The following YJU2B variants were observed in gnomAD, a reference collection of about 807,000 sequenced individuals.
YJU2B encodes the protein YJU2 splicing factor homolog B.
YJU2B carries 18 observed loss-of-function variants against 38.0 expected under a neutral mutation model. That is an observed-to-expected ratio of 0.47 (90% CI 0.33 to 0.70). The LOEUF is 0.70. YJU2B is among the 30% of genes least tolerant of loss of function. The probability of loss-of-function intolerance (pLI) is 0.02; values close to 1 mark genes in which losing one functional copy is unlikely to be tolerated. For missense variants in YJU2B, 538 were observed against 556.3 expected, an observed-to-expected ratio of 0.97 and a Z score of 0.33; for synonymous variants, 246 against 225.4, an observed-to-expected ratio of 1.09 and a Z score of -0.82.
chr19:13,761,094 T>A (rs1398099598), intron 8 of YJU2B, among the ~76,000 whole-genome samples: 1 of 151,918 alleles, frequency 6.6e-6, no homozygotes, highest in East Asian at 2.0e-4. Context: ...AAATGGAACC[T>A]CTTGGCTGGG....
Position 13,762,303 on chromosome 19 carries a change from A to T in YJU2B, c.578A>T (p.Lys193Met). Residue 193 changes from lysine (K) to methionine (M), a missense_variant, in exon 9 of 10, where the codon AAG becomes ATG. Around this residue, in one of 2 missense-constraint regions of YJU2B, gnomAD observed 488 missense variants for 469.5 expected, o/e 1.04. Coordinates refer to ENST00000221554, the MANE Select transcript of YJU2B (RefSeq NM_030818.4). ...NSMLRRRFRE[K>M]KKAIQEEEER... Reference sequence around the variant, plus strand: ...TGTTCTTGGCCCTCAACACAGGAAAAGAAAAAAGCCATCCAGGAGGAGGAG... The same window carrying T: ...TGTTCTTGGCCCTCAACACAGGAAATGAAAAAAGCCATCCAGGAGGAGGAG... The T allele has an allele frequency of 6.2e-7, 1 of 1,613,480 alleles. No homozygotes were observed.
intron 2 of YJU2B, among the ~76,000 whole-genome samples, chr19:13,734,638 G>C (rs1025963972): frequency 1.3e-5 from 2 of 152,040 alleles, no homozygotes; most frequent in Non-Finnish European, 2.9e-5. Context: ...ACCCAGCCTG[G>C]AGTGCAGTGC....
intron 3 of YJU2B, among the ~76,000 whole-genome samples, chr19:13,754,593 C>A (rs893701809): frequency 6.6e-6 from 1 of 152,086 alleles, no homozygotes; most frequent in African/African-American, 2.4e-5. Context: ...TAAGGCAGAG[C>A]GCACAGATGA....
At chr19:13,759,797 A>T (rs1333976498) in intron 8 of YJU2B, among the ~76,000 whole-genome samples, 3 of 129,854 alleles carry the variant, frequency 2.3e-5, no homozygotes, top group African/African-American at 5.9e-5. Flanking sequence ...CGCCTGGCTA[A>T]TTTTTTTTTT....
At position 13,751,733 on chromosome 19, in the gene YJU2B, G is replaced by C; in HGVS notation, c.-76G>C. On this transcript the variant is annotated 5_prime_UTR_variant, in exon 2 of 10. Transcript: ENST00000221554. The stretch of plus-strand genomic sequence containing the variant: ...CTCTGCCAGGCTCCACAAGAGGTCA[G>C]GACAGTGCAGTGTGTTCACAAGGCC... 6.5e-7 allele frequency: 1 copy of C among 1,533,548 alleles called. No homozygotes were observed. The highest frequency in any genetic ancestry group is 9.0e-7 in the Non-Finnish European group (1 of 1,106,708). 95.0% of individuals were successfully genotyped at this position (1,533,548 alleles called of 1,614,324 possible). A position where few individuals can be genotyped will look rare whatever the true frequency, so the allele number is the denominator to read the frequency against.
chr19:13,736,051 C>CAA (rs397972330), intron 2 of YJU2B, among the ~76,000 whole-genome samples: 122 of 123,028 alleles, frequency 9.9e-4, no homozygotes, highest in African/African-American at 1.1e-3. Context: ...GACTCCGTCT[C>CAA]AAAAAAAAAA....
chr19:13,742,978 T>A (rs1568279270), upstream of YJU2B, among the ~76,000 whole-genome samples: 1 of 152,026 alleles, frequency 6.6e-6, no homozygotes, highest in African/African-American at 2.4e-5. Context: ...CTTACAGGAG[T>A]TCTTACAGAA....
chr19:13,751,518 G>A (rs1973462704), intron 1 of YJU2B, 90 bp from the exon 2 acceptor site: 3 of 455,796 alleles, frequency 6.6e-6, no homozygotes, highest in Non-Finnish European at 1.2e-5. Flanking sequence ...GATGGGTGCT[G>A]GACCCGGTGG....
In YJU2B at chr19:13,759,089, G is replaced by C. The variant is rs868257846; in HGVS notation, c.401-11G>C. ...GGCCCCCAAAGCCCAGCCGAGCTCT[G>C]ATCGTTGCAGAGCATGAGAAGAAGC... On this transcript the variant is annotated splice_polypyrimidine_tract_variant and intron_variant, in intron 7 of 9. Coordinates refer to ENST00000221554, the MANE Select transcript of YJU2B (RefSeq NM_030818.4). The C allele has an allele frequency of 1.9e-6, 3 of 1,613,298 alleles. No individual in the cohort carries two copies. Among genetic ancestry groups the C allele is most frequent in the African/African-American group, 2.7e-5 (2 of 74,920 alleles).
upstream of YJU2B, among the ~76,000 whole-genome samples, chr19:13,747,055 A>G (rs888205098): frequency 1.3e-5 from 2 of 152,186 alleles, no homozygotes; most frequent in African/African-American, 4.8e-5. Flanking sequence ...GCAGGTAATA[A>G]AAGTTGTCTC....
intron 1 of YJU2B, 46 bp downstream of exon 1, chr19:13,748,000 A>T (rs902476466): frequency 6.6e-6 from 1 of 152,184 alleles, no homozygotes; most frequent in African/African-American, 2.4e-5. Context: ...GGGGTCCGGC[A>T]GCCGCCTCAC....
chr19:13,758,871 C>G lies in YJU2B; in HGVS notation c.261C>G (p.Phe87Leu). 6.2e-7 allele frequency: 1 copy of G among 1,613,834 alleles called. No individual in the cohort carries two copies. Among genetic ancestry groups the G allele is most frequent in the Non-Finnish European group, 8.5e-7 (1 of 1,179,998 alleles). Residue 87 changes from phenylalanine (F) to leucine (L), a missense_variant, in exon 7 of 10, where the codon TTC becomes TTG. Phe to Leu is a conservative substitution (Grantham distance 22). Around this residue, in one of 2 missense-constraint regions of YJU2B, gnomAD observed 488 missense variants for 469.5 expected, o/e 1.04. Transcript: ENST00000221554. ...GNYYTTPIYR[F>L]RMKCHLCVNY... is the part of the protein sequence containing the mutation. ...CCTGCCCACCGCTCCCTCCCAGGTTCCGGATGAAATGCCACCTCTGTGTCA... is the reference window on the plus strand; with the variant it reads ...CCTGCCCACCGCTCCCTCCCAGGTTGCGGATGAAATGCCACCTCTGTGTCA...
rs757871749 is a variant in YJU2B at position 13,756,226 on chromosome 19, C to A, written c.87C>A (p.Ser29Arg). The A allele has an allele frequency of 1.2e-6, 2 of 1,613,990 alleles. No homozygotes were observed. Among genetic ancestry groups the A allele is most frequent in the African/African-American group, 2.7e-5 (2 of 74,920 alleles). ...GCTCTCTCAACCGATACCACAACAG[C>A]CACCCGCTTCGGGAGCGGGCTCGGA... ...KHGSLNRYHNSHPLRERARKL... is the reference protein window; with the variant it reads ...KHGSLNRYHNRHPLRERARKL... The change falls in exon 4 of 10, where the codon AGC (serine) becomes AGA (arginine). Residue 29 changes from serine to arginine, a missense_variant. Coordinates refer to ENST00000221554, the MANE Select transcript of YJU2B (RefSeq NM_030818.4).
upstream of YJU2B, among the ~76,000 whole-genome samples, chr19:13,746,010 G>T (rs373074221): frequency 5.5e-4 from 83 of 152,156 alleles, 1 homozygote; most frequent in African/African-American, 1.7e-3. Context: ...CCAGCACTTT[G>T]GGAGGCCAAG....
intron 1 of YJU2B, among the ~76,000 whole-genome samples, chr19:13,748,426 C>A (rs1443087546): frequency 1.3e-5 from 2 of 151,964 alleles, no homozygotes; most frequent in African/African-American, 2.4e-5. Context: ...AGATAGGAAG[C>A]AGCAGGGTGG....
chr19:13,758,808 A>G, intron 6 of YJU2B, 60 bp from the exon 7 acceptor site: 1 of 1,587,710 alleles, frequency 6.3e-7, no homozygotes, highest in Non-Finnish European at 8.6e-7. Flanking sequence ...GGCAGAGGCG[A>G]CAGGGCTGTC....
At chr19:13,762,556 T>C (rs1056377984) in intron 9 of YJU2B, 34 bp from the exon 10 acceptor site, 1 of 1,532,408 alleles carries the variant, frequency 6.5e-7, no homozygotes, top group African/African-American at 1.4e-5. Flanking sequence ...CCCCCTCCCC[T>C]GCCGCCCCTG....
chr19:13,758,569 A>C (rs965897204), intron 6 of YJU2B, among the ~76,000 whole-genome samples: 17 of 135,338 alleles, frequency 1.3e-4, no homozygotes, highest in African/African-American at 6.7e-4. Flanking sequence ...CAAATGCACT[A>C]ATGAATGAAC....
chr19:13,763,058 A>AGAGT lies in YJU2B; in HGVS notation c.1189_*1dup. 1 of 1,550,152 alleles carries AGAGT rather than the reference A, an allele frequency of 6.5e-7. No homozygotes were observed. The highest frequency in any genetic ancestry group is 1.2e-5 in the South Asian group (1 of 81,326). On this transcript the variant is annotated frameshift_variant, in exon 10 of 10. Coordinates refer to ENST00000221554, the MANE Select transcript of YJU2B (RefSeq NM_030818.4). LOFTEE classifies it high-confidence loss of function. ...CTCGTGGCGGACTACTCCGACTCGGAGAGTGAGTGAGCGATCCCCATCCTG... is the reference window on the plus strand; with the variant it reads ...CTCGTGGCGGACTACTCCGACTCGGAGAGTGAGTGAGTGAGCGATCCCCATCCTG...
Sources: gnomAD v4.1 joint callset for allele counts (sites outside exome capture counted in the v4.1 genomes callset) on GRCh38, gnomAD v4.1.1 for gene constraint, gnomAD v4.1.1 regional missense constraint, MANE v1.5 for transcripts, NCBI Gene and HGNC (gene_info 2026-07-23, HGNC 2026-07-21) for gene names.